The following CHST11 variants were observed in gnomAD, a reference collection of about 807,000 sequenced individuals.
CHST11 encodes the protein C4S-1.
CHST11 carries 9 observed loss-of-function variants against 30.4 expected under a neutral mutation model. The observed-to-expected ratio is 0.30, with a 90% CI of 0.18 to 0.52. CHST11 has a LOEUF of 0.52. Ranked by LOEUF, CHST11 falls within the 20% of genes least tolerant of loss-of-function variation. The pLI, the probability that CHST11 is intolerant of heterozygous loss-of-function variation, is 0.97. For missense variants in CHST11, 348 were observed against 460.6 expected (o/e 0.76, Z 2.24); for synonymous variants, 152 against 187.8 (o/e 0.81, Z 1.56).
chr12:104,645,055 C>A (rs564983639), intron 2 of CHST11, among the ~76,000 whole-genome samples: 61 of 152,316 alleles, frequency 4.0e-4, no homozygotes, highest in Admixed American at 2.3e-3. Flanking sequence ...TCACGCCATT[C>A]TCCTGCCTCA....
chr12:104,714,871 C>G (rs150945977), intron 2 of CHST11, among the ~76,000 whole-genome samples: 2 of 152,110 alleles, frequency 1.3e-5, no homozygotes, highest in African/African-American at 4.8e-5. Context: ...TAACAGTATC[C>G]TAGAGTACTC....
chr12:104,668,431 C>T (rs2039660728), intron 2 of CHST11, among the ~76,000 whole-genome samples: 1 of 152,194 alleles, frequency 6.6e-6, no homozygotes, highest in Admixed American at 6.5e-5. Flanking sequence ...CAACACAGAA[C>T]ACACTGCGTT....
chr12:104,643,449 C>T (rs2039397219), intron 2 of CHST11, among the ~76,000 whole-genome samples: 1 of 152,194 alleles, frequency 6.6e-6, no homozygotes, highest in South Asian at 2.1e-4. Context: ...GGGTTCTACC[C>T]TGTGTTTTCA....
intron 2 of CHST11, among the ~76,000 whole-genome samples, chr12:104,724,709 A>G (rs972212276): frequency 3.3e-5 from 5 of 151,998 alleles, no homozygotes; most frequent in African/African-American, 1.2e-4. Context: ...CTTTCCCTCC[A>G]CCGGTGGAGC....
At position 104,689,057 on chromosome 12, in the gene CHST11, A is replaced by C. The variant is rs149438304; in HGVS notation, c.205-67892A>C. Among the ~76,000 whole-genome samples the C allele has an allele frequency of 2.6e-5, 4 of 152,376 alleles. No individual in the cohort carries two copies. The East Asian group carries it at 7.7e-4, about 29-fold the overall frequency. On this transcript the variant is annotated intron_variant, in intron 2 of 2. Transcript: ENST00000303694. ...TTCTTTCTATATACACACATTCGTG[A>C]AAGAACATTTCTAGGACAAATGTCA... is the stretch of plus-strand genomic sequence containing the variant.
At chr12:104,501,061 C>G (rs995588637) in intron 1 of CHST11, among the ~76,000 whole-genome samples, 3 of 152,134 alleles carry the variant, frequency 2.0e-5, no homozygotes, top group Admixed American at 2.0e-4. Context: ...ATTATGCCTT[C>G]GGAGTCCTTC....
chr12:104,481,275 C>T (rs751220594), intron 1 of CHST11, among the ~76,000 whole-genome samples: 1 of 152,222 alleles, frequency 6.6e-6, no homozygotes, highest in Non-Finnish European at 1.5e-5. Flanking sequence ...TGCCTTCTTT[C>T]AGTGCCTTAT....
Position 104,524,027 on chromosome 12 carries a change from TTTTC to T in CHST11, c.118+66510_118+66513del, listed in dbSNP as rs1428645336. Reference sequence around the variant, plus strand: ...TGTTCAGGAAAGCCAGATATTTTTGTTTTCTTTCTTTCTTTTTTTTTTTTTTTTT... The same window carrying T: ...TGTTCAGGAAAGCCAGATATTTTTGTTTTCTTTCTTTTTTTTTTTTTTTTT... On this transcript the variant is annotated intron_variant, in intron 1 of 2. Transcript: ENST00000303694. Among the ~76,000 whole-genome samples the T allele has an allele frequency of 4.4e-5, 6 of 137,210 alleles. No individual in the cohort carries two copies. The East Asian group carries it at 6.3e-4, about 14-fold the overall frequency. The allele number at this position is 137,210 out of a possible 152,430, so 90.0% of individuals were successfully genotyped here. A position where few individuals can be genotyped will look rare whatever the true frequency, so the allele number is the denominator to read the frequency against.
intron 2 of CHST11, among the ~76,000 whole-genome samples, chr12:104,660,766 A>G (rs1286397041): frequency 1.3e-5 from 2 of 152,160 alleles, no homozygotes; most frequent in Non-Finnish European, 2.9e-5. Context: ...TTGACCTTAC[A>G]TTTATGAAAA....
chr12:104,706,907 C>A (rs575726824), intron 2 of CHST11, among the ~76,000 whole-genome samples: 1 of 152,040 alleles, frequency 6.6e-6, no homozygotes, highest in African/African-American at 2.4e-5. Flanking sequence ...GAGAAGGGGT[C>A]GGGAGGAGGA....
At chr12:104,756,916 T>C in intron 2 of CHST11, 33 bp from the exon 3 acceptor site, 1 of 1,588,598 alleles carries the variant, frequency 6.3e-7, no homozygotes, top group Non-Finnish European at 8.6e-7. Context: ...AGGCAAGTAC[T>C]GAGTTCTTAT....
At chr12:104,627,161 A>G (rs1490108878) in intron 2 of CHST11, among the ~76,000 whole-genome samples, 5 of 152,160 alleles carry the variant, frequency 3.3e-5, no homozygotes, top group African/African-American at 1.2e-4. Flanking sequence ...ATGTCTTTGC[A>G]TGGCTTGATG....
chr12:104,486,912 T>G (rs1422895801), intron 1 of CHST11, among the ~76,000 whole-genome samples: 1 of 152,200 alleles, frequency 6.6e-6, no homozygotes, highest in Non-Finnish European at 1.5e-5. Context: ...AATAGTCCAA[T>G]TCAGCAATCC....
At chr12:104,743,941 TC>T (rs2040368760) in intron 2 of CHST11, among the ~76,000 whole-genome samples, 1 of 15,328 alleles carries the variant, frequency 6.5e-5, no homozygotes, top group Non-Finnish European at 1.3e-4. Context: ...ACATGATCTC[TC>T]TTTTTTTATG....
At position 104,679,765 on chromosome 12, in the gene CHST11, G is replaced by T. The variant is rs59497452; in HGVS notation, c.205-77184G>T. On this transcript the variant is annotated intron_variant, in intron 2 of 2. Transcript: ENST00000303694. ...TTCATGGTAGAGCACAGAGAAAGACGCAATGGAGCCCCGCCCCATGGAAAA... is the reference window on the plus strand; with the variant it reads ...TTCATGGTAGAGCACAGAGAAAGACTCAATGGAGCCCCGCCCCATGGAAAA... Among the ~76,000 whole-genome samples, 336 of 152,234 alleles carry T rather than the reference G, an allele frequency of 2.2e-3. 1 individual carries two copies. Among genetic ancestry groups the T allele is most frequent in the African/African-American group, 7.9e-3 (326 of 41,520 alleles).
At chr12:104,722,241 C>T (rs2040183712) in intron 2 of CHST11, among the ~76,000 whole-genome samples, 1 of 150,868 alleles carries the variant, frequency 6.6e-6, no homozygotes, top group Non-Finnish European at 1.5e-5. Context: ...TGGGCTAAGC[C>T]ATCTGCCCGC....
intron 1 of CHST11, among the ~76,000 whole-genome samples, chr12:104,566,019 A>G (rs2038562422): frequency 6.6e-6 from 1 of 152,168 alleles, no homozygotes; most frequent in Admixed American, 6.5e-5. Context: ...TTTTGCCTCC[A>G]TTCCTAGGCC....
At chr12:104,468,367 G>T (rs1240069249) in intron 1 of CHST11, among the ~76,000 whole-genome samples, 2 of 152,112 alleles carry the variant, frequency 1.3e-5, no homozygotes, top group African/African-American at 2.4e-5. Context: ...TAATGTATAC[G>T]CTATAATTAC....
In CHST11 at chr12:104,647,158, G is replaced by T. The variant is rs2136079427; in HGVS notation, c.204+45167G>T. Among the ~76,000 whole-genome samples the T allele has an allele frequency of 1.3e-5, 2 of 152,306 alleles. 1 individual carries two copies. The highest frequency in any genetic ancestry group is 4.1e-4 in the South Asian group (2 of 4,832). On this transcript the variant is annotated intron_variant, in intron 2 of 2. Coordinates refer to ENST00000303694, the MANE Select transcript of CHST11 (RefSeq NM_018413.6). ...GCCCATTGTCATGATGCTGCAAGTG[G>T]AGGCTCCTGAAGGTCCCTCTTACCT...
Sources: gnomAD v4.1 joint callset for allele counts (sites outside exome capture counted in the v4.1 genomes callset) on GRCh38, gnomAD v4.1.1 for gene constraint, MANE v1.5 for transcripts, NCBI Gene and HGNC (gene_info 2026-07-23, HGNC 2026-07-21) for gene names.